TMEM132C: variants seen among roughly 807,000 people sequenced by gnomAD.
TMEM132C encodes the protein protein phosphatase 1, regulatory subunit 152.
TMEM132C carries 29 observed loss-of-function variants against 61.4 expected under a neutral mutation model. The ratio of observed to expected loss-of-function variants is 0.47; its 90% CI spans 0.35 to 0.64. The LOEUF (loss-of-function observed/expected upper bound fraction) is 0.64, where lower values mean the gene tolerates loss of function less well. Among genes scored for constraint, TMEM132C ranks in the 30% least tolerant of loss-of-function variants. The pLI is 0.00. For missense variants in TMEM132C, 1,408 were observed against 1,476.9 expected (o/e 0.95, Z 0.76); for synonymous variants, 656 against 633.1 (o/e 1.04, Z -0.54).
In TMEM132C at chr12:128,340,551, T is replaced by A. The variant is rs146255876; in HGVS notation, c.85+73064T>A. Among the ~76,000 whole-genome samples, 773 of 152,254 alleles carry A rather than the reference T, an allele frequency of 5.1e-3. 5 individuals are homozygous for A. The highest frequency in any genetic ancestry group is 0.018 in the African/African-American group (738 of 41,546). On this transcript the variant is annotated intron_variant, in intron 1 of 8. Coordinates refer to ENST00000435159, the MANE Select transcript of TMEM132C (RefSeq NM_001136103.3). ...CAGTATATTAATGGCATTAATAGAT[T>A]AGCCTAATTATTTGGTCATCAGCAG... is the stretch of plus-strand genomic sequence containing the variant.
chr12:128,462,080 C>A (rs1870550146), intron 2 of TMEM132C, among the ~76,000 whole-genome samples: 1 of 146,444 alleles, frequency 6.8e-6, no homozygotes, highest in African/African-American at 2.7e-5. Flanking sequence ...TTCTGCTTTG[C>A]ATCTGTTATT....
At chr12:128,268,345 G>A (rs1431399632) in intron 1 of TMEM132C, among the ~76,000 whole-genome samples, 1 of 152,350 alleles carries the variant, frequency 6.6e-6, no homozygotes, top group East Asian at 1.9e-4. Flanking sequence ...GTGCGGCCGA[G>A]TGGCCGCGCG....
intron 1 of TMEM132C, among the ~76,000 whole-genome samples, chr12:128,394,875 G>A (rs1272328504): frequency 7.0e-6 from 1 of 142,456 alleles, no homozygotes; most frequent in Non-Finnish European, 1.5e-5. Flanking sequence ...TAATTGCACA[G>A]CTAATGTGTG....
chr12:128,294,646 C>G (rs1339876833), intron 1 of TMEM132C, among the ~76,000 whole-genome samples: 2 of 151,784 alleles, frequency 1.3e-5, no homozygotes, highest in Admixed American at 6.6e-5. Flanking sequence ...CCAGCAGATT[C>G]ACTATCTGGT....
chr12:128,402,107 A>G (rs1875182106), intron 1 of TMEM132C, among the ~76,000 whole-genome samples: 1 of 152,190 alleles, frequency 6.6e-6, no homozygotes, highest in African/African-American at 2.4e-5. Context: ...ATATTGGCTT[A>G]GAAGAGAGAG....
intron 1 of TMEM132C, among the ~76,000 whole-genome samples, chr12:128,392,270 C>T (rs921991274): frequency 6.6e-6 from 1 of 152,190 alleles, no homozygotes; most frequent in Non-Finnish European, 1.5e-5. Context: ...GAGCCACTTG[C>T]CCAGGCAGCC....
Position 128,387,453 on chromosome 12 carries a change from G to A in TMEM132C, c.86-27279G>A, listed in dbSNP as rs141252365. Among the ~76,000 whole-genome samples the A allele has an allele frequency of 3.9e-3, 590 of 152,322 alleles. 1 individual carries two copies. Among genetic ancestry groups the A allele is most frequent in the Middle Eastern group, 0.01 (3 of 294 alleles). On this transcript the variant is annotated intron_variant, in intron 1 of 8. Transcript: ENST00000435159. ...TTGCCCTGCAAGGCTTTGAGTAACT[G>A]AGTTCCATTGTAGACTCCTCCGGCA...
intron 2 of TMEM132C, among the ~76,000 whole-genome samples, chr12:128,481,568 C>T (rs1871318139): frequency 6.6e-6 from 1 of 152,224 alleles, no homozygotes; most frequent in African/African-American, 2.4e-5. Context: ...GAGCTGAGGC[C>T]TAGCAGTGTG....
Position 128,663,923 on chromosome 12 carries a change from TGCAC to T in TMEM132C, c.1306-5487_1306-5484del, listed in dbSNP as rs1566007352. 3.3e-3 allele frequency among the ~76,000 whole-genome samples: 311 copies of T among 95,656 alleles called. 2 individuals carry two copies. Among genetic ancestry groups the T allele is most frequent in the Middle Eastern group, 0.022 (3 of 138 alleles). The allele number at this position is 95,656 out of a possible 152,430, so 62.8% of individuals were successfully genotyped here. ...ATGCACGCACACAGGCACACACACC[TGCAC>T]GCACGCGGACACTCACACAGGCACA... On this transcript the variant is annotated intron_variant, in intron 4 of 8. Transcript: ENST00000435159.
intron 2 of TMEM132C, among the ~76,000 whole-genome samples, chr12:128,444,210 G>A (rs775563111): frequency 1.3e-5 from 2 of 152,138 alleles, no homozygotes; most frequent in African/African-American, 4.8e-5. Context: ...GGGAGCCACC[G>A]CGCCCAGCCC....
At chr12:128,528,983 G>A (rs1873188707) in intron 2 of TMEM132C, among the ~76,000 whole-genome samples, 1 of 152,100 alleles carries the variant, frequency 6.6e-6, no homozygotes, top group Non-Finnish European at 1.5e-5. Flanking sequence ...TTTGCCTTTT[G>A]GCCCTTTCCA....
intron 1 of TMEM132C, among the ~76,000 whole-genome samples, chr12:128,399,365 A>G (rs1362574569): frequency 6.6e-6 from 1 of 152,224 alleles, no homozygotes; most frequent in African/African-American, 2.4e-5. Context: ...GTAAGTTTCC[A>G]TCATAAATAA....
chr12:128,462,250 T>C (rs1870556992), intron 2 of TMEM132C, among the ~76,000 whole-genome samples: 1 of 152,138 alleles, frequency 6.6e-6, no homozygotes, highest in African/African-American at 2.4e-5. Flanking sequence ...GGATTGCAAG[T>C]GCCAGCCACC....
intron 1 of TMEM132C, among the ~76,000 whole-genome samples, chr12:128,318,052 A>G (rs1872208118): frequency 6.6e-6 from 1 of 152,214 alleles, no homozygotes; most frequent in African/African-American, 2.4e-5. Context: ...AGAAGTGTTT[A>G]TTGAGGACCT....
At chr12:128,370,240 C>T (rs1873989821) in intron 1 of TMEM132C, among the ~76,000 whole-genome samples, 1 of 151,078 alleles carries the variant, frequency 6.6e-6, no homozygotes, top group South Asian at 2.1e-4. Context: ...GAATCTGGTA[C>T]ATGCACGGGG....
chr12:128,547,399 CA>C (rs3044078), intron 3 of TMEM132C, among the ~76,000 whole-genome samples: 29,649 of 139,508 alleles, frequency 0.21, 3,196 homozygotes, highest in African/African-American at 0.3. Flanking sequence ...ACTAAAAATA[CA>C]AAAAAAAAAA....
intron 4 of TMEM132C, among the ~76,000 whole-genome samples, chr12:128,660,085 C>T (rs898193730): frequency 3.3e-5 from 5 of 152,170 alleles, no homozygotes; most frequent in Non-Finnish European, 7.3e-5. Context: ...CTGGGATACA[C>T]GAAGCGCTTA....
intron 5 of TMEM132C, among the ~76,000 whole-genome samples, chr12:128,670,007 T>C (rs1954515896): frequency 6.6e-6 from 1 of 152,208 alleles, no homozygotes; most frequent in Non-Finnish European, 1.5e-5. Flanking sequence ...CTTATCTTTT[T>C]TATGTGATGA....
intron 1 of TMEM132C, among the ~76,000 whole-genome samples, chr12:128,310,383 G>C (rs571929818): frequency 6.6e-6 from 1 of 152,092 alleles, no homozygotes; most frequent in Non-Finnish European, 1.5e-5. Flanking sequence ...AGGCTTAATT[G>C]GCTCATGGTT....
Sources: allele counts gnomAD v4.1 joint callset (sites outside exome capture counted in the v4.1 genomes callset), GRCh38; gene constraint gnomAD v4.1.1; transcripts MANE v1.5; gene names NCBI Gene and HGNC (gene_info 2026-07-23, HGNC 2026-07-21).